Variants in CAPN1 observed in about 807,000 individuals in gnomAD.
CAPN1 encodes calpain-1 catalytic subunit.
Under a neutral mutation model 105.2 loss-of-function variants are expected in CAPN1, and 77 were observed. The ratio of observed to expected loss-of-function variants is 0.73; its 90% CI spans 0.61 to 0.88. The LOEUF (loss-of-function observed/expected upper bound fraction) is 0.88. Among genes scored for constraint, CAPN1 ranks in the 40% least tolerant of loss-of-function variants. The pLI, the probability that CAPN1 is intolerant of heterozygous loss-of-function variation, is 0.00. For synonymous variants in CAPN1, 355 were observed against 388.8 expected, an observed-to-expected ratio of 0.91 and a Z score of 1.02; for missense variants, 833 against 976.6, an observed-to-expected ratio of 0.85 and a Z score of 1.96.
intron 10 of CAPN1, among the ~76,000 whole-genome samples, chr11:65,201,821 G>GT (rs1565412216): frequency 8.4e-6 from 1 of 118,680 alleles, no homozygotes; most frequent in African/African-American, 2.9e-5. Context: ...CCCGGCTTTT[G>GT]TTTTTGTTTT....
At chr11:65,207,459 C>G (rs574039149) in intron 14 of CAPN1, among the ~76,000 whole-genome samples, 65 of 151,872 alleles carry the variant, frequency 4.3e-4, no homozygotes, top group African/African-American at 1.4e-3. Flanking sequence ...CTCGGCCTCA[C>G]AAAGTGCTAG....
chr11:65,198,697 C>T (rs17881590), intron 10 of CAPN1, among the ~76,000 whole-genome samples: 36,497 of 152,056 alleles, frequency 0.24, 5,143 homozygotes, highest in Admixed American at 0.34. Flanking sequence ...CCACCCGAAA[C>T]ATATCCTTTT....
At chr11:65,194,058 T>C (rs1176842747) in intron 10 of CAPN1, among the ~76,000 whole-genome samples, 2 of 149,792 alleles carry the variant, frequency 1.3e-5, no homozygotes, top group Non-Finnish European at 3.0e-5. Context: ...ACCTCCTGGG[T>C]TTAAGCGATT....
intron 1 of CAPN1, chr11:65,182,298 C>G (rs1254804893): frequency 9.9e-6 from 1 of 100,760 alleles, no homozygotes; most frequent in African/African-American, 3.8e-5. Context: ...GGCCGGTGCA[C>G]CAGGAGCTTG....
Position 65,186,349 on chromosome 11 carries a change from C to A in CAPN1, c.759+11C>A. On this transcript the variant is annotated intron_variant, in intron 6 of 21. Coordinates refer to ENST00000279247, the MANE Select transcript of CAPN1 (RefSeq NM_005186.4). Reference sequence around the variant, plus strand: ...GGCTGCTCCATAGACGTGAGTGTGCCCGGCCCCGATGCTTTGGTACCCTGG... The same window carrying A: ...GGCTGCTCCATAGACGTGAGTGTGCACGGCCCCGATGCTTTGGTACCCTGG... The A allele has an allele frequency of 6.2e-7, 1 of 1,604,066 alleles. No homozygotes were observed. The highest frequency in any genetic ancestry group is 8.5e-7 in the Non-Finnish European group (1 of 1,174,722).
intron 10 of CAPN1, among the ~76,000 whole-genome samples, chr11:65,192,793 A>G (rs1057238429): frequency 6.6e-6 from 1 of 151,130 alleles, no homozygotes; most frequent in African/African-American, 2.4e-5. Context: ...TTTTATAGAG[A>G]TGGGGGTCTC....
rs1461128299 is a variant in CAPN1 at position 65,183,159 on chromosome 11, A to G, written c.299A>G (p.Asp100Gly). 1 of 1,613,786 alleles carries G rather than the reference A, an allele frequency of 6.2e-7. No homozygotes were observed. Among genetic ancestry groups the G allele is most frequent in the East Asian group, 2.2e-5 (1 of 44,878 alleles). Residue 100 changes from aspartate to glycine, a missense_variant, in exon 3 of 22, where the codon GAT (aspartate) becomes GGT (glycine). Physicochemically the swap from Asp to Gly is moderately conservative, Grantham distance 94. Coordinates refer to ENST00000279247, the MANE Select transcript of CAPN1 (RefSeq NM_005186.4). ...ELLSNPQFIV[D>G]GATRTDICQG... ...CTGTCAAACCCCCAGTTCATTGTGGATGGAGCTACCCGCACAGACATCTGC... is the reference window on the plus strand; with the variant it reads ...CTGTCAAACCCCCAGTTCATTGTGGGTGGAGCTACCCGCACAGACATCTGC...
At chr11:65,181,542 T>C, upstream of CAPN1, 1 of 392,258 alleles carries the variant, frequency 2.5e-6, no homozygotes, top group Non-Finnish European at 5.1e-6. The surrounding 1 kb of genome is among the most constrained non-coding windows in gnomAD (Gnocchi z 4.6). Flanking sequence ...CGCCCCGGAA[T>C]GCCCGCCAGG....
Position 65,210,392 on chromosome 11 carries a change from G to C in CAPN1, c.1999G>C (p.Asp667His), listed in dbSNP as rs561601246. 1.9e-6 allele frequency: 3 copies of C among 1,613,382 alleles called. No individual in the cohort carries two copies. In the African/African-American group the frequency reaches 4.0e-5, roughly 22 times the overall value. Reference sequence around the variant, plus strand: ...CATCATCACCCGCTACTCGGAGCCCGACCTGGCGGTCGACTTTGACAATTT... The same window carrying C: ...CATCATCACCCGCTACTCGGAGCCCCACCTGGCGGTCGACTTTGACAATTT... ...ELIITRYSEPDLAVDFDNFVC... is the reference protein window; with the variant it reads ...ELIITRYSEPHLAVDFDNFVC... Residue 667 changes from aspartate (D) to histidine (H), a missense_variant, in exon 20 of 22, where the codon GAC becomes CAC. By Grantham distance (81) the Asp-to-His change is moderately conservative. Coordinates refer to ENST00000279247, the MANE Select transcript of CAPN1 (RefSeq NM_005186.4). This position sits in a 1 kb window ranked among gnomAD's most constrained non-coding sequence, Gnocchi z 4.3.
Position 65,188,379 on chromosome 11 carries a change from G to A in CAPN1, c.930-35G>A. The stretch of plus-strand genomic sequence containing the variant: ...AGGGACAGAGGCCAGGCAGGTCAGT[G>A]CCCACCAGCCCTGGCAGAGCCCTGC... On this transcript the variant is annotated intron_variant, in intron 8 of 21. Transcript: ENST00000279247. This position sits in a 1 kb window ranked among gnomAD's most constrained non-coding sequence, Gnocchi z 5.5. The A allele has an allele frequency of 5.1e-6, 8 of 1,574,544 alleles. No individual in the cohort carries two copies. Among genetic ancestry groups the A allele is most frequent in the Non-Finnish European group, 6.9e-6 (8 of 1,154,688 alleles).
chr11:65,187,885 C>G, intron 7 of CAPN1, 70 bp from the exon 8 acceptor site: 1 of 1,116,324 alleles, frequency 9.0e-7, no homozygotes, highest in South Asian at 1.3e-5. Flanking sequence ...GAGCAAGACT[C>G]TGTCTCAAAA....
chr11:65,208,122 TAGGTTGGGGCATGGC>T lies in CAPN1; in HGVS notation c.1671+11_1671+25del. ...CTCTTCAGGCAGCTGGCAGGGGAGG[TAGGTTGGGGCATGGC>T]AGGTTGGGAGGGGCCTGTGAGGGGC... is the stretch of plus-strand genomic sequence containing the variant. On this transcript the variant is annotated splice_donor_5th_base_variant and intron_variant, in intron 15 of 21. Coordinates refer to ENST00000279247, the MANE Select transcript of CAPN1 (RefSeq NM_005186.4). This position sits in a 1 kb window ranked among gnomAD's most constrained non-coding sequence, Gnocchi z 4.1. 6 of 1,605,552 alleles carry T rather than the reference TAGGTTGGGGCATGGC, an allele frequency of 3.7e-6. No individual in the cohort carries two copies.
At chr11:65,211,147 T>A in intron 21 of CAPN1, 113 bp from the exon 22 acceptor site, 1 of 1,209,958 alleles carries the variant, frequency 8.3e-7, no homozygotes, top group Non-Finnish European at 1.2e-6. Flanking sequence ...CTCCATGAGG[T>A]TCCTGAGGTG....
upstream of CAPN1, chr11:65,181,633 C>T (rs758182897): frequency 2.6e-6 from 1 of 391,850 alleles, no homozygotes; most frequent in Non-Finnish European, 5.1e-6. The surrounding 1 kb of genome is among the most constrained non-coding windows in gnomAD (Gnocchi z 4.6). Context: ...CGGCCCTCCC[C>T]CTCCGTTCCC....
chr11:65,206,027 G>A, intron 12 of CAPN1: 1 of 529,212 alleles, frequency 1.9e-6, no homozygotes, highest in Middle Eastern at 5.0e-4. Context: ...GGGCGGTCCA[G>A]CAATGTCAGG....
chr11:65,210,886 T>C lies in CAPN1; in HGVS notation c.2118+14T>C. On this transcript the variant is annotated intron_variant, in intron 21 of 21. Transcript: ENST00000279247. This position sits in a 1 kb window ranked among gnomAD's most constrained non-coding sequence, Gnocchi z 4.3. ...GACTTGTTTAAGGTGGGAACCTCCC[T>C]GGGCCCATGGTTGGGGAAGAGTTCC... 1 of 1,604,236 alleles carries C rather than the reference T, an allele frequency of 6.2e-7. No individual in the cohort carries two copies. The highest frequency in any genetic ancestry group is 2.2e-5 in the East Asian group (1 of 44,848).
intron 4 of CAPN1, 158 bp from the exon 5 acceptor site, chr11:65,185,759 G>GTA (rs1948622744): frequency 1.4e-6 from 1 of 695,122 alleles, no homozygotes; most frequent in Non-Finnish European, 2.3e-6. Context: ...ACCTGACCTA[G>GTA]TATACATCTA....
At chr11:65,206,109 T>C in intron 12 of CAPN1, 1 of 508,846 alleles carries the variant, frequency 2.0e-6, no homozygotes, top group Non-Finnish European at 3.5e-6. Context: ...TGTGTTTGTG[T>C]CTGTAAAATG....
intron 10 of CAPN1, among the ~76,000 whole-genome samples, chr11:65,194,693 G>A (rs1378117839): frequency 5.3e-5 from 8 of 152,156 alleles, no homozygotes; most frequent in Admixed American, 5.2e-4. Context: ...CATTTATGGT[G>A]TAGAAGTACT....
Sources: allele counts gnomAD v4.1 joint callset (sites outside exome capture counted in the v4.1 genomes callset), GRCh38; gene constraint gnomAD v4.1.1; non-coding constraint Gnocchi (gnomAD v3.1); transcripts MANE v1.5; gene names NCBI Gene and HGNC (gene_info 2026-07-23, HGNC 2026-07-21).